DOCK6: variants seen among roughly 807,000 people sequenced by gnomAD.
DOCK6 encodes the protein dedicator of cytokinesis 6.
A neutral mutation model predicts 230.3 loss-of-function variants in DOCK6; 167 were observed. The observed-to-expected ratio is 0.73, with a 90% CI of 0.64 to 0.82. The LOEUF is 0.82. DOCK6 is among the 40% of genes least tolerant of loss of function. The pLI, the probability that DOCK6 is intolerant of heterozygous loss-of-function variation, is 0.00. For synonymous variants in DOCK6, 1,148 were observed against 1,185.0 expected (o/e 0.97, Z 0.64); for missense variants, 2,598 against 2,825.8 (o/e 0.92, Z 1.83).
chr19:11,247,805 T>G (rs2080058443), intron 7 of DOCK6: 7 of 391,084 alleles, frequency 1.8e-5, no homozygotes, highest in East Asian at 4.7e-5. Flanking sequence ...GCCCACTTCA[T>G]GAGGTTGTGG....
intron 34 of DOCK6, 52 bp from the exon 35 acceptor site, chr19:11,213,380 C>G (rs992726457): frequency 2.5e-5 from 39 of 1,574,674 alleles, no homozygotes; most frequent in Non-Finnish European, 3.3e-5. Context: ...CGTTCTGGCT[C>G]AGAAGGGGAC....
intron 14 of DOCK6, chr19:11,241,648 C>G: frequency 6.4e-7 from 1 of 1,573,764 alleles, no homozygotes; most frequent in South Asian, 1.2e-5. Flanking sequence ...TGAGCCACAT[C>G]TCCCTCCCCA....
intron 21 of DOCK6, among the ~76,000 whole-genome samples, chr19:11,234,485 G>A (rs929379278): frequency 4.8e-5 from 7 of 146,234 alleles, no homozygotes; most frequent in Non-Finnish European, 1.0e-4. Flanking sequence ...GACACATAGG[G>A]ATTGGTGTTT....
intron 23 of DOCK6, among the ~76,000 whole-genome samples, chr19:11,227,873 G>A (rs926818153): frequency 9.9e-5 from 15 of 152,104 alleles, no homozygotes; most frequent in Admixed American, 7.9e-4. Flanking sequence ...AAAGGGTGGG[G>A]CTTGAGGCAC....
At chr19:11,229,925 T>C (rs926728520) in intron 22 of DOCK6, among the ~76,000 whole-genome samples, 15 of 151,022 alleles carry the variant, frequency 9.9e-5, no homozygotes, top group African/African-American at 3.7e-4. Flanking sequence ...GTGCCTGTAG[T>C]CCCAGCTGCT....
intron 24 of DOCK6, among the ~76,000 whole-genome samples, chr19:11,224,122 C>A (rs2079624256): frequency 6.6e-6 from 1 of 151,762 alleles, no homozygotes; most frequent in South Asian, 2.1e-4. Flanking sequence ...GCTTCAAAGA[C>A]AATATTAAAT....
rs752752308 is a variant in DOCK6, at chr19:11,237,818, GT to G, written c.1833-40del. ...GCTGGGGGATCTGCTGGGGGCTGGG[GT>G]CCCCACTGTCTGCCCCATCACCTCT... is the stretch of plus-strand genomic sequence containing the variant. On this transcript the variant is annotated intron_variant, in intron 16 of 47. Transcript: ENST00000294618. 105 of 1,544,430 alleles carry G rather than the reference GT, an allele frequency of 6.8e-5. No homozygotes were observed. In the South Asian group the frequency reaches 1.2e-3, roughly 18 times the overall value.
At position 11,222,235 on chromosome 19, in the gene DOCK6, GAGA is replaced by G; in HGVS notation, c.3251_3253del (p.Phe1084del). The stretch of plus-strand genomic sequence containing the variant: ...CACCTTGGGGTCCGGGGCTTGGCTG[GAGA>G]AGGTGGAGCTCTGCAGAGTGGGGGA... On this transcript the variant is annotated inframe_deletion, in exon 27 of 48. Transcript: ENST00000294618. The surrounding 1 kb of genome is among the most constrained non-coding windows in gnomAD (Gnocchi z 4.0). 6.2e-7 allele frequency: 1 copy of G among 1,600,404 alleles called. No homozygotes were observed. Among genetic ancestry groups the G allele is most frequent in the Non-Finnish European group, 8.5e-7 (1 of 1,173,798 alleles).
intron 39 of DOCK6, among the ~76,000 whole-genome samples, chr19:11,206,627 C>T (rs1417430661): frequency 6.6e-6 from 1 of 151,886 alleles, no homozygotes; most frequent in Non-Finnish European, 1.5e-5. Context: ...ATTGTGGGCC[C>T]TTAATGGATC....
At chr19:11,208,857 C>T (rs1177234238) in intron 38 of DOCK6, 28 bp from the exon 39 acceptor site, 1 of 1,605,234 alleles carries the variant, frequency 6.2e-7, no homozygotes, top group Non-Finnish European at 8.5e-7. Flanking sequence ...GCGTCAGACC[C>T]TGGTCCCCAC....
At chr19:11,207,864 A>C (rs2079287713) in intron 39 of DOCK6, among the ~76,000 whole-genome samples, 1 of 152,032 alleles carries the variant, frequency 6.6e-6, no homozygotes, top group African/African-American at 2.4e-5. Context: ...CTGGAGGCCG[A>C]GGTTGTAGTG....
rs1320533166 is a variant in DOCK6, at chr19:11,222,686, G to A, written c.3240+49C>T. 1.3e-6 allele frequency: 2 copies of A among 1,512,854 alleles called. No individual in the cohort carries two copies. Among genetic ancestry groups the A allele is most frequent in the Middle Eastern group, 3.5e-4 (2 of 5,790 alleles). The allele number at this position is 1,512,854 out of a possible 1,614,324, so 93.7% of individuals were successfully genotyped here. ...GGGAACCATAGGAGATGGACTGAAGGTGAGAGGTTGTAGGTCAAAGAGAGG... is the reference window on the plus strand; with the variant it reads ...GGGAACCATAGGAGATGGACTGAAGATGAGAGGTTGTAGGTCAAAGAGAGG... On this transcript the variant is annotated intron_variant, in intron 26 of 47. Transcript: ENST00000294618. This position sits in a 1 kb window ranked among gnomAD's most constrained non-coding sequence, Gnocchi z 4.0.
At position 11,201,844 on chromosome 19, in the gene DOCK6, T is replaced by TC; in HGVS notation, c.5688+44dup. ...TCCCCTCCCCTCCCAGGGTCTGATG[T>TC]CCCCTCACCTCCCCACCCCCGCCAG... On this transcript the variant is annotated intron_variant, in intron 44 of 47. Transcript: ENST00000294618. This position sits in a 1 kb window ranked among gnomAD's most constrained non-coding sequence, Gnocchi z 4.3. The TC allele has an allele frequency of 7.3e-7, 1 of 1,372,670 alleles. No homozygotes were observed. The allele number at this position is 1,372,670 out of a possible 1,614,324, so 85.0% of individuals were successfully genotyped here. A position where few individuals can be genotyped will look rare whatever the true frequency, so the allele number is the denominator to read the frequency against.
chr19:11,255,068 A>G (rs963132429), intron 1 of DOCK6, among the ~76,000 whole-genome samples: 1 of 150,492 alleles, frequency 6.6e-6, no homozygotes, highest in Admixed American at 6.6e-5. Context: ...AATGGCCACA[A>G]TCCCGGCTCA....
intron 21 of DOCK6, among the ~76,000 whole-genome samples, chr19:11,233,837 C>CTT (rs34494692): frequency 1.2e-4 from 18 of 144,538 alleles, no homozygotes; most frequent in Admixed American, 2.1e-4. Context: ...AAGATCCTGA[C>CTT]TTTTTTTTTT....
At chr19:11,248,340 C>T (rs2310806) in intron 6 of DOCK6, among the ~76,000 whole-genome samples, 189 bp from the exon 7 acceptor site, 8 of 152,196 alleles carry the variant, frequency 5.3e-5, no homozygotes, top group Non-Finnish European at 1.0e-4. Context: ...CTCCTTGTCT[C>T]GCTAATGTCT....
chr19:11,245,968 T>G, intron 7 of DOCK6, 90 bp from the exon 8 acceptor site: 4 of 1,430,172 alleles, frequency 2.8e-6, no homozygotes, highest in Non-Finnish European at 3.8e-6. Flanking sequence ...GTGGGGGGCA[T>G]CTGACTCCCA....
chr19:11,215,682 T>C lies in DOCK6; in HGVS notation c.4021+119A>G. 3.3e-6 allele frequency: 5 copies of C among 1,535,320 alleles called. No homozygotes were observed. The South Asian group carries it at 5.9e-5, about 18-fold the overall frequency. ...TGTGTACGGTGATGATTTGTGGACT[T>C]CTCTCCAGGAAAAGTGAGGCAGAAA... On this transcript the variant is annotated intron_variant, in intron 31 of 47. Transcript: ENST00000294618.
chr19:11,200,494 C>T lies in DOCK6; in HGVS notation c.5940-25G>A. On this transcript the variant is annotated intron_variant, in intron 46 of 47. Coordinates refer to ENST00000294618, the MANE Select transcript of DOCK6 (RefSeq NM_020812.4). The surrounding 1 kb of genome is among the most constrained non-coding windows in gnomAD (Gnocchi z 4.3). ...TCTGAGGGCCAGAGGGTGGGAGATG[C>T]TCAGAGACTCGCACACGGGACTGAA... The T allele has an allele frequency of 6.2e-7, 1 of 1,603,828 alleles. No homozygotes were observed. Among genetic ancestry groups the T allele is most frequent in the Non-Finnish European group, 8.5e-7 (1 of 1,175,422 alleles).
Sources: allele counts gnomAD v4.1 joint callset (sites outside exome capture counted in the v4.1 genomes callset), GRCh38; gene constraint gnomAD v4.1.1; non-coding constraint Gnocchi (gnomAD v3.1); transcripts MANE v1.5; gene names NCBI Gene and HGNC (gene_info 2026-07-23, HGNC 2026-07-21).